The following GOPC variants were observed in gnomAD, a reference collection of about 807,000 sequenced individuals.
The protein encoded by GOPC is Golgi-associated PDZ and coiled-coil motif-containing protein.
Under a neutral mutation model 51.2 loss-of-function variants are expected in GOPC, and 32 were observed. The observed-to-expected ratio is 0.63, with a 90% CI of 0.47 to 0.84. The LOEUF (loss-of-function observed/expected upper bound fraction) is 0.84, where lower values mean the gene tolerates loss of function less well. GOPC is among the 40% of genes least tolerant of loss of function. GOPC has a pLI of 0.00. For synonymous variants in GOPC, 190 were observed against 205.1 expected (o/e 0.93, Z 0.63); for missense variants, 441 against 555.5 (o/e 0.79, Z 2.07).
chr6:117,570,998 T>C (rs750665046), intron 5 of GOPC, 43 bp from the exon 6 acceptor site: 16 of 970,114 alleles, frequency 1.6e-5, no homozygotes, highest in African/African-American at 4.9e-5. Flanking sequence ...ATCATTTAAA[T>C]AGCATACCAA....
intron 4 of GOPC, among the ~76,000 whole-genome samples, chr6:117,574,961 C>T (rs1336237781): frequency 6.6e-6 from 1 of 152,088 alleles, no homozygotes; most frequent in Non-Finnish European, 1.5e-5. Flanking sequence ...CACCTGTAAT[C>T]CCAGCTACTC....
At chr6:117,596,382 A>G (rs764895848) in intron 1 of GOPC, among the ~76,000 whole-genome samples, 1 of 152,010 alleles carries the variant, frequency 6.6e-6, no homozygotes, top group South Asian at 2.1e-4. Context: ...CTGTGCACAA[A>G]GTTTTTAGTT....
Position 117,602,340 on chromosome 6 carries a change from G to A in GOPC, c.-52C>T. 1 of 1,497,442 alleles carries A rather than the reference G, an allele frequency of 6.7e-7. No homozygotes were observed. The highest frequency in any genetic ancestry group is 8.8e-7 in the Non-Finnish European group (1 of 1,131,174). The allele number at this position is 1,497,442 out of a possible 1,614,324, so 92.8% of individuals were successfully genotyped here. ...GCTGAAGACCCTCGCCGCCCCCCGC[G>A]CACGAAGGGAACTGCTGGGACTGAG... On this transcript the variant is annotated 5_prime_UTR_variant, in exon 1 of 9. Transcript: ENST00000368498.
At chr6:117,569,157 T>C (rs1046351780) in intron 7 of GOPC, among the ~76,000 whole-genome samples, 1 of 152,216 alleles carries the variant, frequency 6.6e-6, no homozygotes, top group Admixed American at 6.5e-5. Context: ...TCAATTTTAA[T>C]ATTCCATGAC....
chr6:117,598,222 A>G (rs955110237), intron 1 of GOPC, among the ~76,000 whole-genome samples: 3 of 151,796 alleles, frequency 2.0e-5, no homozygotes, highest in African/African-American at 4.8e-5. Context: ...TAAAATAGAA[A>G]AATTAGCTGA....
At chr6:117,589,164 G>C (rs1003942074) in intron 1 of GOPC, among the ~76,000 whole-genome samples, 25 of 152,168 alleles carry the variant, frequency 1.6e-4, no homozygotes, top group African/African-American at 6.0e-4. Context: ...ACAGGCTGCG[G>C]GTTAGACAAG....
At chr6:117,568,121 G>A (rs979456997) in intron 7 of GOPC, among the ~76,000 whole-genome samples, 3 of 151,944 alleles carry the variant, frequency 2.0e-5, no homozygotes, top group Non-Finnish European at 4.4e-5. Context: ...ATCTGTTTGA[G>A]CCTGGGAGGT....
At position 117,577,431 on chromosome 6, in the gene GOPC, A is replaced by T. The variant is rs747250392; in HGVS notation, c.474+17T>A. 7.5e-6 allele frequency: 12 copies of T among 1,603,576 alleles called. No homozygotes were observed. The Admixed American group carries it at 1.9e-4, about 25-fold the overall frequency. On this transcript the variant is annotated intron_variant, in intron 3 of 8. Transcript: ENST00000368498. ...TCAGCGTGACATATTAAAGCAAAAC[A>T]GAAACAATATACTTACCAGCTCCTC...
chr6:117,569,836 A>C, intron 6 of GOPC, 100 bp from the exon 7 acceptor site: 1 of 1,278,178 alleles, frequency 7.8e-7, no homozygotes, highest in Non-Finnish European at 1.0e-6. Flanking sequence ...TATTTCATTA[A>C]ACACCTATGC....
chr6:117,584,265 C>T (rs574402554), intron 1 of GOPC, among the ~76,000 whole-genome samples: 14 of 152,270 alleles, frequency 9.2e-5, no homozygotes, highest in African/African-American at 3.1e-4. Context: ...GTTGGGTGTC[C>T]TCCAATTCAA....
rs1772034481 is a variant in GOPC, at chr6:117,602,385, G to C, written c.-97C>G. 4 of 1,235,414 alleles carry C rather than the reference G, an allele frequency of 3.2e-6. No homozygotes were observed. Among genetic ancestry groups the C allele is most frequent in the Non-Finnish European group, 3.3e-6 (3 of 916,200 alleles). The allele number at this position is 1,235,414 out of a possible 1,614,324, so 76.5% of individuals were successfully genotyped here. The stretch of plus-strand genomic sequence containing the variant: ...ACTGAGGGGACCCCCGCGCGCGCGG[G>C]CACACTCCGTCACCTCCCTTCACCT... On this transcript the variant is annotated 5_prime_UTR_variant, in exon 1 of 9. Transcript: ENST00000368498.
chr6:117,583,821 A>C (rs1390848452), intron 1 of GOPC, among the ~76,000 whole-genome samples: 2 of 151,914 alleles, frequency 1.3e-5, no homozygotes, highest in African/African-American at 4.8e-5. Context: ...CACTTCCCTC[A>C]CTCTTCTCAA....
intron 1 of GOPC, among the ~76,000 whole-genome samples, chr6:117,594,240 G>A (rs1239652099): frequency 6.6e-6 from 1 of 152,110 alleles, no homozygotes; most frequent in East Asian, 1.9e-4. Flanking sequence ...AATGCACTAT[G>A]CGCTTGCCCA....
Position 117,602,062 on chromosome 6 carries a change from C to A in GOPC, c.227G>T (p.Cys76Phe). The stretch of plus-strand genomic sequence containing the variant: ...GGCTTTGTGGCAAAGCTGTGCAAAG[C>A]AGGAGCTCAGGCTGGTCATCTTCTG... ...GRQKMTSLSS[C>F]FAQLCHKAQS... The change falls in exon 1 of 9, where the codon TGC becomes TTC. Residue 76 changes from cysteine to phenylalanine, a missense_variant. Cys to Phe is a radical substitution (Grantham distance 205). Transcript: ENST00000368498. 6.2e-7 allele frequency: 1 copy of A among 1,614,178 alleles called. No homozygotes were observed. The highest frequency in any genetic ancestry group is 8.5e-7 in the Non-Finnish European group (1 of 1,180,030).
chr6:117,593,242 A>C (rs898714395), intron 1 of GOPC, among the ~76,000 whole-genome samples: 1 of 151,552 alleles, frequency 6.6e-6, no homozygotes, highest in African/African-American at 2.4e-5. Flanking sequence ...GTGGGCTCCT[A>C]TTTTACAGAA....
In GOPC at chr6:117,593,504, C is replaced by T. The variant is rs935345454; in HGVS notation, c.285+8500G>A. ...ACTTCTTGCTATCTATTCAGCCACA[C>T]TCACTCTTTCTGTCTGCTTCTCTCT... On this transcript the variant is annotated intron_variant, in intron 1 of 8. Coordinates refer to ENST00000368498, the MANE Select transcript of GOPC (RefSeq NM_020399.4). Among the ~76,000 whole-genome samples the T allele has an allele frequency of 9.2e-5, 14 of 152,198 alleles. No individual in the cohort carries two copies. In the South Asian group the frequency reaches 2.9e-3, roughly 32 times the overall value.
At chr6:117,582,270 C>A (rs1173952185) in intron 1 of GOPC, among the ~76,000 whole-genome samples, 1 of 92,520 alleles carries the variant, frequency 1.1e-5, no homozygotes, top group African/African-American at 5.3e-5. Context: ...CTGCCTCCCC[C>A]CCTACACACA....
At chr6:117,573,085 A>C (rs1353571998) in intron 5 of GOPC, among the ~76,000 whole-genome samples, 3 of 152,206 alleles carry the variant, frequency 2.0e-5, no homozygotes, top group East Asian at 3.8e-4. Context: ...TCAGTTACTA[A>C]AAGTTCCCTT....
At chr6:117,587,234 C>T (rs1196898189) in intron 1 of GOPC, among the ~76,000 whole-genome samples, 1 of 152,016 alleles carries the variant, frequency 6.6e-6, no homozygotes, top group Non-Finnish European at 1.5e-5. Context: ...ATTAGTTCTC[C>T]CCCAAAAAAT....
Sources: gnomAD v4.1 joint callset for allele counts (sites outside exome capture counted in the v4.1 genomes callset) on GRCh38, gnomAD v4.1.1 for gene constraint, MANE v1.5 for transcripts, NCBI Gene and HGNC (gene_info 2026-07-23, HGNC 2026-07-21) for gene names.